The following EFCAB11 variants were observed in gnomAD, a reference collection of about 807,000 sequenced individuals.
EFCAB11 encodes EF-hand calcium-binding domain-containing protein 11.
In EFCAB11, 14 loss-of-function variants were observed where a neutral mutation model predicts 23.0. That is an observed-to-expected ratio of 0.61 (90% confidence interval 0.40 to 0.95). The LOEUF (loss-of-function observed/expected upper bound fraction) is 0.95. Among genes scored for constraint, EFCAB11 ranks in the 40% least tolerant of loss-of-function variants. The pLI is 0.00. For synonymous variants in EFCAB11, 65 were observed against 66.6 expected (o/e 0.98, Z 0.11); for missense variants, 198 against 195.8 (o/e 1.01, Z -0.07).
chr14:89,896,300 G>A (rs1405196359), intron 5 of EFCAB11, among the ~76,000 whole-genome samples: 1 of 150,042 alleles, frequency 6.7e-6, no homozygotes, highest in Admixed American at 6.7e-5. Flanking sequence ...CGAGGCAGGA[G>A]AACGGCGTGA....
intron 5 of EFCAB11, among the ~76,000 whole-genome samples, chr14:89,860,426 AT>A (rs1395648310): frequency 1.3e-5 from 2 of 152,184 alleles, no homozygotes; most frequent in African/African-American, 4.8e-5. Flanking sequence ...GCCAAAGTAC[AT>A]TTCTCAACCA....
intron 5 of EFCAB11, among the ~76,000 whole-genome samples, chr14:89,920,700 T>C (rs910192168): frequency 6.6e-6 from 1 of 152,170 alleles, no homozygotes; most frequent in Non-Finnish European, 1.5e-5. Flanking sequence ...CCATTAAATA[T>C]GTCAATATGG....
intron 5 of EFCAB11, among the ~76,000 whole-genome samples, chr14:89,842,395 C>G (rs1409532426): frequency 6.6e-6 from 1 of 152,132 alleles, no homozygotes; most frequent in African/African-American, 2.4e-5. Flanking sequence ...TTGAGACCAG[C>G]CTAGCCGACA....
At chr14:89,871,374 G>C (rs1430176000) in intron 5 of EFCAB11, among the ~76,000 whole-genome samples, 1 of 152,128 alleles carries the variant, frequency 6.6e-6, no homozygotes, top group Non-Finnish European at 1.5e-5. Context: ...AAAGAGGGTA[G>C]AGCCTTCTGC....
At chr14:89,803,933 T>C (rs986753173) in intron 5 of EFCAB11, among the ~76,000 whole-genome samples, 1 of 152,224 alleles carries the variant, frequency 6.6e-6, no homozygotes. Context: ...AGAAAAGCCA[T>C]TCGGATATAC....
intron 5 of EFCAB11, among the ~76,000 whole-genome samples, chr14:89,885,709 G>A (rs1368443493): frequency 1.4e-5 from 2 of 144,198 alleles, no homozygotes; most frequent in Admixed American, 7.1e-5. Flanking sequence ...GAGAAAGAGA[G>A]AAAGAAAGAG....
chr14:89,916,712 G>A (rs1005825722), intron 5 of EFCAB11, among the ~76,000 whole-genome samples: 1 of 152,138 alleles, frequency 6.6e-6, no homozygotes, highest in Admixed American at 6.5e-5. Flanking sequence ...TTTTTACAAG[G>A]AGAGAACAAG....
chr14:89,876,056 T>C (rs1427310202), intron 5 of EFCAB11, among the ~76,000 whole-genome samples: 1 of 152,152 alleles, frequency 6.6e-6, no homozygotes, highest in Non-Finnish European at 1.5e-5. Context: ...TGGGAGGTTG[T>C]TGGTGAGCAC....
intron 5 of EFCAB11, among the ~76,000 whole-genome samples, chr14:89,901,719 A>G (rs756057681): frequency 2.6e-5 from 4 of 152,204 alleles, no homozygotes; most frequent in Non-Finnish European, 5.9e-5. Context: ...TACAATATAA[A>G]TACACAACAT....
At chr14:89,811,553 T>A (rs1241095538) in intron 5 of EFCAB11, among the ~76,000 whole-genome samples, 1 of 152,090 alleles carries the variant, frequency 6.6e-6, no homozygotes, top group Non-Finnish European at 1.5e-5. Flanking sequence ...GCCAATGTAA[T>A]CTTAGGGGAC....
chr14:89,884,964 G>C (rs1233610088), intron 5 of EFCAB11, among the ~76,000 whole-genome samples: 2 of 152,198 alleles, frequency 1.3e-5, no homozygotes, highest in East Asian at 3.9e-4. Flanking sequence ...CTCCTCACCA[G>C]AACCAGACCA....
At chr14:89,862,125 T>C (rs1195714453) in intron 5 of EFCAB11, among the ~76,000 whole-genome samples, 4 of 152,204 alleles carry the variant, frequency 2.6e-5, no homozygotes, top group Non-Finnish European at 5.9e-5. Flanking sequence ...AACCATGGTA[T>C]TGCGGGACCA....
intron 5 of EFCAB11, among the ~76,000 whole-genome samples, chr14:89,806,679 CA>C (rs1480081524): frequency 6.6e-6 from 1 of 152,124 alleles, no homozygotes; most frequent in Non-Finnish European, 1.5e-5. Flanking sequence ...AGAAACCCCC[CA>C]GGAGCGAGCT....
chr14:89,810,574 G>A (rs1886118343), intron 5 of EFCAB11, among the ~76,000 whole-genome samples: 1 of 152,020 alleles, frequency 6.6e-6, no homozygotes, highest in South Asian at 2.1e-4. Flanking sequence ...TGGCCAACAT[G>A]GTAAAACCCC....
chr14:89,929,708 C>T (rs1052631707), intron 5 of EFCAB11, among the ~76,000 whole-genome samples: 1 of 152,064 alleles, frequency 6.6e-6, no homozygotes, highest in African/African-American at 2.4e-5. Context: ...TTTAAACATA[C>T]CAAACATGCA....
intron 5 of EFCAB11, chr14:89,892,408 C>G: frequency 2.5e-6 from 4 of 1,585,744 alleles, no homozygotes; most frequent in Non-Finnish European, 3.4e-6. Context: ...CCAGGTCCCC[C>G]AGCAGGAAGC....
intron 5 of EFCAB11, among the ~76,000 whole-genome samples, chr14:89,876,238 G>A (rs1888433812): frequency 1.3e-5 from 2 of 152,180 alleles, no homozygotes; most frequent in South Asian, 4.1e-4. Context: ...ACTAGCATCA[G>A]TGGTGGTGGT....
At chr14:89,923,701 A>G in intron 5 of EFCAB11, 2 of 985,398 alleles carry the variant, frequency 2.0e-6, no homozygotes, top group Non-Finnish European at 2.4e-6. Flanking sequence ...TCACTAAATT[A>G]GGTACTCATT....
At chr14:89,905,609 T>A (rs1245101898) in intron 5 of EFCAB11, among the ~76,000 whole-genome samples, 1 of 152,180 alleles carries the variant, frequency 6.6e-6, no homozygotes, top group Non-Finnish European at 1.5e-5. Flanking sequence ...TCAAGAGTTA[T>A]CATTTGCATA....
Sources: gnomAD v4.1 joint callset for allele counts (sites outside exome capture counted in the v4.1 genomes callset) on GRCh38, gnomAD v4.1.1 for gene constraint, MANE v1.5 for transcripts, NCBI Gene and HGNC (gene_info 2026-07-23, HGNC 2026-07-21) for gene names.